ZNF423: variants seen among roughly 807,000 people sequenced by gnomAD.
ZNF423 encodes Ebf-associated zinc finger protein.
In ZNF423, 12 loss-of-function variants were observed where a neutral mutation model predicts 95.8. The observed-to-expected ratio is 0.13, with a 90% CI of 0.08 to 0.20. The LOEUF (loss-of-function observed/expected upper bound fraction) is 0.20, where lower values mean the gene tolerates loss of function less well. Among genes scored for constraint, ZNF423 ranks in the 10% least tolerant of loss-of-function variants. ZNF423 has a pLI of 1.00. For synonymous variants in ZNF423, 749 were observed against 711.9 expected, an observed-to-expected ratio of 1.05 and a Z score of -0.83; for missense variants, 1,316 against 1,737.1, an observed-to-expected ratio of 0.76 and a Z score of 4.31.
At chr16:49,755,495 C>A (rs1173839967) in intron 2 of ZNF423, among the ~76,000 whole-genome samples, 6 of 152,164 alleles carry the variant, frequency 3.9e-5, no homozygotes, top group African/African-American at 1.4e-4. Context: ...CCAGACATGG[C>A]TAATAATGAC....
chr16:49,678,637 G>A (rs1220531374), intron 3 of ZNF423, among the ~76,000 whole-genome samples: 3 of 152,234 alleles, frequency 2.0e-5, no homozygotes, highest in African/African-American at 7.2e-5. Context: ...CCAGGTGCCT[G>A]ATGGGTGTCT....
intron 2 of ZNF423, among the ~76,000 whole-genome samples, chr16:49,755,694 C>T (rs568723864): frequency 3.9e-5 from 6 of 152,250 alleles, no homozygotes; most frequent in South Asian, 2.1e-4. Flanking sequence ...TGTGCCTCTA[C>T]GAACCCTCTG....
intron 5 of ZNF423, among the ~76,000 whole-genome samples, chr16:49,556,368 C>T (rs1969826286): frequency 6.6e-6 from 1 of 152,180 alleles, no homozygotes; most frequent in Non-Finnish European, 1.5e-5. Flanking sequence ...AATCAGATGC[C>T]CCTTCTCAGA....
At chr16:49,544,902 G>A (rs2151744187) in intron 5 of ZNF423, among the ~76,000 whole-genome samples, 1 of 152,392 alleles carries the variant, frequency 6.6e-6, no homozygotes, top group African/African-American at 2.4e-5. Context: ...GTGATGTGCA[G>A]CAGAACAGGA....
At chr16:49,687,229 T>C (rs2031599616) in intron 3 of ZNF423, among the ~76,000 whole-genome samples, 1 of 151,308 alleles carries the variant, frequency 6.6e-6, no homozygotes, top group Non-Finnish European at 1.5e-5. Context: ...AGGGCCTTCC[T>C]TGTCCTGCCC....
chr16:49,682,602 A>G (rs1276099558), intron 3 of ZNF423, among the ~76,000 whole-genome samples: 1 of 152,178 alleles, frequency 6.6e-6, no homozygotes, highest in African/African-American at 2.4e-5. Context: ...CCCGAGTATG[A>G]CAGGAGGACA....
chr16:49,599,770 T>C (rs1193634942), intron 5 of ZNF423, among the ~76,000 whole-genome samples: 1 of 152,076 alleles, frequency 6.6e-6, no homozygotes, highest in Non-Finnish European at 1.5e-5. Context: ...ACAGGATGCA[T>C]GGGGCGATTC....
intron 1 of ZNF423, among the ~76,000 whole-genome samples, chr16:49,796,508 T>C (rs2034500986): frequency 6.6e-6 from 1 of 152,142 alleles, no homozygotes; most frequent in South Asian, 2.1e-4. Context: ...AACACAGCAG[T>C]GGGGCCCAGA....
At chr16:49,592,981 C>A (rs965556750) in intron 5 of ZNF423, among the ~76,000 whole-genome samples, 1 of 152,156 alleles carries the variant, frequency 6.6e-6, no homozygotes, top group East Asian at 1.9e-4. Flanking sequence ...GGTCAGTCAT[C>A]CAGGTGCAGT....
intron 3 of ZNF423, among the ~76,000 whole-genome samples, chr16:49,701,859 GA>G (rs1169185144): frequency 6.6e-6 from 1 of 151,920 alleles, no homozygotes. Flanking sequence ...CTTGCATGAA[GA>G]AAAAAAATCT....
intron 2 of ZNF423, among the ~76,000 whole-genome samples, chr16:49,743,070 A>G (rs951631878): frequency 1.3e-5 from 2 of 152,064 alleles, no homozygotes; most frequent in Non-Finnish European, 2.9e-5. Context: ...TTAGCAGCTC[A>G]ACACTGTGCC....
chr16:49,663,584 G>C (rs776294854), intron 3 of ZNF423, among the ~76,000 whole-genome samples: 3 of 152,174 alleles, frequency 2.0e-5, no homozygotes, highest in Non-Finnish European at 4.4e-5. Context: ...CCTCCCTCCC[G>C]GCCAGTGGTG....
intron 5 of ZNF423, among the ~76,000 whole-genome samples, chr16:49,568,528 A>G (rs927815531): frequency 1.3e-5 from 2 of 152,086 alleles, no homozygotes; most frequent in Admixed American, 6.5e-5. Context: ...CAAGGTATGT[A>G]TGCCTCCTAA....
At chr16:49,592,621 G>C (rs1971044472) in intron 5 of ZNF423, among the ~76,000 whole-genome samples, 1 of 152,260 alleles carries the variant, frequency 6.6e-6, no homozygotes, top group Non-Finnish European at 1.5e-5. Context: ...CTGTGTGCCA[G>C]GGCATCGCTG....
chr16:49,674,090 T>G (rs2030938240), intron 3 of ZNF423, among the ~76,000 whole-genome samples: 1 of 152,190 alleles, frequency 6.6e-6, no homozygotes, highest in Non-Finnish European at 1.5e-5. Context: ...AAAATTATTC[T>G]GAGTGAAAAA....
intron 5 of ZNF423, among the ~76,000 whole-genome samples, chr16:49,540,481 A>G (rs1049085729): frequency 6.6e-6 from 1 of 150,996 alleles, no homozygotes; most frequent in African/African-American, 2.4e-5. Flanking sequence ...GGGCCTCACT[A>G]TGTTACCCAG....
intron 3 of ZNF423, among the ~76,000 whole-genome samples, chr16:49,646,571 T>C (rs1210868675): frequency 7.0e-5 from 10 of 142,826 alleles, no homozygotes; most frequent in African/African-American, 1.1e-4. Context: ...TTCTTTTCTT[T>C]TTCTTTTTTT....
intron 3 of ZNF423, among the ~76,000 whole-genome samples, chr16:49,702,588 C>G (rs1404668238): frequency 1.3e-5 from 2 of 152,204 alleles, no homozygotes; most frequent in Admixed American, 6.5e-5. Context: ...ACCCCCAGCC[C>G]TCAAGGAGAG....
Position 49,638,217 on chromosome 16 carries a change from G to A in ZNF423, c.959C>T (p.Ala320Val), listed in dbSNP as rs994747214. Reference sequence around the variant, plus strand: ...GTTGGCGTGGGCTTGGTGGATATGGGCGAGCAGTGTGTTCTCGTCGACGAA... The same window carrying A: ...GTTGGCGTGGGCTTGGTGGATATGGACGAGCAGTGTGTTCTCGTCGACGAA... ...EVFVDENTLLAHIHQAHANQK... is the reference protein window; with the variant it reads ...EVFVDENTLLVHIHQAHANQK... Residue 320 changes from alanine to valine, a missense_variant, in exon 4 of 8, where the codon GCC becomes GTC. Ala to Val is a moderately conservative substitution (Grantham distance 64). Transcript: ENST00000563137. This position sits in a 1 kb window ranked among gnomAD's most constrained non-coding sequence, Gnocchi z 5.6. 2.9e-5 allele frequency: 47 copies of A among 1,608,388 alleles called. No individual in the cohort carries two copies. The highest frequency in any genetic ancestry group is 8.9e-5 in the East Asian group (4 of 44,874).
Sources: allele counts gnomAD v4.1 joint callset (sites outside exome capture counted in the v4.1 genomes callset), GRCh38; gene constraint gnomAD v4.1.1; non-coding constraint Gnocchi (gnomAD v3.1); transcripts MANE v1.5; gene names NCBI Gene and HGNC (gene_info 2026-07-23, HGNC 2026-07-21).